The following ADPGK variants were observed in gnomAD, a reference collection of about 807,000 sequenced individuals.
The protein encoded by ADPGK is ADP-dependent glucokinase.
A neutral mutation model predicts 42.4 loss-of-function variants in ADPGK; 26 were observed. That is an observed-to-expected ratio of 0.61 (90% CI 0.45 to 0.85). ADPGK has a LOEUF of 0.85. ADPGK is among the 40% of genes least tolerant of loss of function. The probability of loss-of-function intolerance (pLI) is 0.00; values close to 1 mark genes in which losing one functional copy is unlikely to be tolerated. For synonymous variants in ADPGK, 267 were observed against 252.6 expected, an observed-to-expected ratio of 1.06 and a Z score of -0.54; for missense variants, 571 against 627.0, an observed-to-expected ratio of 0.91 and a Z score of 0.95.
chr15:72,772,012 G>A (rs934561759), intron 2 of ADPGK, among the ~76,000 whole-genome samples, 167 bp from the exon 3 acceptor site: 1 of 152,186 alleles, frequency 6.6e-6, no homozygotes, highest in Admixed American at 6.5e-5. Context: ...CACAGAAATA[G>A]AAAGTGAGTA....
chr15:72,773,879 A>AT (rs2066357381), intron 2 of ADPGK, among the ~76,000 whole-genome samples: 1 of 152,164 alleles, frequency 6.6e-6, no homozygotes, highest in Non-Finnish European at 1.5e-5. Flanking sequence ...TATTTTTAAA[A>AT]TTTTTTTGAG....
chr15:72,774,339 C>A (rs1362007872), intron 2 of ADPGK, among the ~76,000 whole-genome samples: 3 of 152,096 alleles, frequency 2.0e-5, no homozygotes, highest in Non-Finnish European at 2.9e-5. Context: ...CAAAACTCAG[C>A]CTCAAGAGGC....
chr15:72,762,024 A>C (rs1347546043), intron 3 of ADPGK, among the ~76,000 whole-genome samples: 1 of 152,144 alleles, frequency 6.6e-6, no homozygotes, highest in Non-Finnish European at 1.5e-5. Context: ...GGCGCGTGCC[A>C]CCAGGCCCAG....
intron 2 of ADPGK, among the ~76,000 whole-genome samples, chr15:72,772,484 C>T (rs905914116): frequency 6.6e-6 from 1 of 152,172 alleles, no homozygotes; most frequent in African/African-American, 2.4e-5. Flanking sequence ...GTAATGCCTT[C>T]TCTGTTCCCC....
chr15:72,782,600 G>C lies in ADPGK; in HGVS notation c.233+859C>G, dbSNP rs1484122099. Reference sequence around the variant, plus strand: ...GCTTTTTAAAGCAGGCACTATGCTAGAGAGATTACATGAATGATGTCATTT... The same window carrying C: ...GCTTTTTAAAGCAGGCACTATGCTACAGAGATTACATGAATGATGTCATTT... On this transcript the variant is annotated intron_variant, in intron 1 of 6. Coordinates refer to ENST00000456471, the MANE Select transcript of ADPGK (RefSeq NM_001365225.1). Among the ~76,000 whole-genome samples, 5 of 148,348 alleles carry C rather than the reference G, an allele frequency of 3.4e-5. No individual in the cohort carries two copies. The East Asian group carries it at 9.9e-4, about 29-fold the overall frequency.
chr15:72,756,032 CAAG>C (rs1567446380), intron 5 of ADPGK: 7 of 697,584 alleles, frequency 1.0e-5, no homozygotes, highest in African/African-American at 5.3e-5. Flanking sequence ...GAGGCTCAGG[CAAG>C]AAGATGTTCT....
chr15:72,763,607 C>T (rs1487873367), intron 3 of ADPGK, among the ~76,000 whole-genome samples: 1 of 152,116 alleles, frequency 6.6e-6, no homozygotes, highest in Non-Finnish European at 1.5e-5. Context: ...GAAGTACTAA[C>T]AAATTTAATG....
At chr15:72,771,609 A>C (rs1350825042) in intron 3 of ADPGK, among the ~76,000 whole-genome samples, 174 bp downstream of exon 3, 5 of 152,240 alleles carry the variant, frequency 3.3e-5, no homozygotes, top group African/African-American at 1.2e-4. Flanking sequence ...GTAAACACTC[A>C]AAGTATTAGT....
At chr15:72,767,383 C>CAA (rs35843053) in intron 3 of ADPGK, among the ~76,000 whole-genome samples, 176 of 137,932 alleles carry the variant, frequency 1.3e-3, no homozygotes, top group Middle Eastern at 3.7e-3. Context: ...ATCAAATAGA[C>CAA]AAAAAAAAAA....
rs2151069914 is a variant in ADPGK, at chr15:72,755,560, T to C, written c.935A>G (p.His312Arg). 3 of 1,612,802 alleles carry C rather than the reference T, an allele frequency of 1.9e-6. No homozygotes were observed. Among genetic ancestry groups the C allele is most frequent in the Non-Finnish European group, 2.5e-6 (3 of 1,178,970 alleles). ...ACGATGGTCCCATGAGGTTACCTGA[T>C]GGACAATGCTGCTCATGAGCTCCCT... ...TNRELMSSIV[H>R]QQVFPAVTSL... is the part of the protein sequence containing the mutation. The change falls in exon 6 of 7, where the codon CAT becomes CGT. Residue 312 changes from histidine to arginine, a missense_variant. Coordinates refer to ENST00000456471, the MANE Select transcript of ADPGK (RefSeq NM_001365225.1).
rs141599518 is a variant in ADPGK, at chr15:72,775,410, C to T, written c.234-313G>A. Among the ~76,000 whole-genome samples the T allele has an allele frequency of 7.1e-3, 1,074 of 152,260 alleles. 9 individuals are homozygous for T. The highest frequency in any genetic ancestry group is 0.025 in the African/African-American group (1,025 of 41,538). On this transcript the variant is annotated intron_variant, in intron 1 of 6. Transcript: ENST00000456471. Reference sequence around the variant, plus strand: ...AAAAATGTAACATTTCTGAGAAAAACGCTGGCAGAGCCAAACAGGATTCAT... The same window carrying T: ...AAAAATGTAACATTTCTGAGAAAAATGCTGGCAGAGCCAAACAGGATTCAT...
chr15:72,755,512 G>T (rs758447141), intron 6 of ADPGK, 44 bp downstream of exon 6: 6 of 1,467,660 alleles, frequency 4.1e-6, no homozygotes, highest in Admixed American at 3.7e-5. Context: ...TTCTCTGCAA[G>T]GCTCTATGAG....
Position 72,752,234 on chromosome 15 carries a change from G to C in ADPGK, c.*107C>G, listed in dbSNP as rs9460. 8.6e-7 allele frequency: 1 copy of C among 1,165,974 alleles called. No individual in the cohort carries two copies. Among genetic ancestry groups the C allele is most frequent in the Non-Finnish European group, 1.2e-6 (1 of 846,316 alleles). 72.2% of individuals were successfully genotyped at this position (1,165,974 alleles called of 1,614,324 possible). A position where few individuals can be genotyped will look rare whatever the true frequency, so the allele number is the denominator to read the frequency against. ...AACAGGCTGGAATGTACCTGATACA[G>C]TTTAATCTGCTTTTATTTCTTTGGC... On this transcript the variant is annotated 3_prime_UTR_variant, in exon 7 of 7. Transcript: ENST00000456471.
Position 72,760,418 on chromosome 15 carries a change from TCTAA to T in ADPGK, c.628_631del (p.Leu210SerfsTer11). On this transcript the variant is annotated frameshift_variant, in exon 4 of 7. Transcript: ENST00000456471. LOFTEE classifies it high-confidence loss of function. ...ACTCATTTCCTTACCTGCTTGATAC[TCTAA>T]AATGAGGTGGAACTCATCCACTTCC... is the stretch of plus-strand genomic sequence containing the variant. The T allele has an allele frequency of 6.2e-7, 1 of 1,603,206 alleles. No homozygotes were observed. The highest frequency in any genetic ancestry group is 1.1e-5 in the South Asian group (1 of 89,998).
In ADPGK at chr15:72,783,584, C is replaced by G. The variant is rs1352541057; in HGVS notation, c.108G>C (p.Trp36Cys). 4 of 1,515,976 alleles carry G rather than the reference C, an allele frequency of 2.6e-6. No homozygotes were observed. The highest frequency in any genetic ancestry group is 3.5e-6 in the Non-Finnish European group (4 of 1,140,152). 93.9% of individuals were successfully genotyped at this position (1,515,976 alleles called of 1,614,324 possible). Residue 36 changes from tryptophan (W) to cysteine (C), a missense_variant, in exon 1 of 7, where the codon TGG becomes TGC. By Grantham distance (215) the Trp-to-Cys change is radical. Around this residue, in one of 2 missense-constraint regions of ADPGK, gnomAD observed 137 missense variants for 104.2 expected, o/e 1.31. Transcript: ENST00000456471. ...ELPGSALRSL[W>C]SSLCLGPAPA... The stretch of plus-strand genomic sequence containing the variant: ...GCGCGGGCCCCAGACACAGCGAGCT[C>G]CAGAGAGAGCGCAGCGCCGAGCCTG...
At chr15:72,765,204 A>G (rs2066243863) in intron 3 of ADPGK, among the ~76,000 whole-genome samples, 1 of 152,080 alleles carries the variant, frequency 6.6e-6, no homozygotes, top group South Asian at 2.1e-4. Context: ...GAGTATAGTG[A>G]GTGGCACGAT....
intron 6 of ADPGK, among the ~76,000 whole-genome samples, chr15:72,753,694 A>G (rs2066076322): frequency 6.6e-6 from 1 of 152,236 alleles, no homozygotes; most frequent in African/African-American, 2.4e-5. Flanking sequence ...TGTGTCAGGC[A>G]CTGAGCTAAA....
Position 72,756,458 on chromosome 15 carries a change from C to T in ADPGK, c.644-11G>A. On this transcript the variant is annotated splice_polypyrimidine_tract_variant and intron_variant, in intron 4 of 6. Coordinates refer to ENST00000456471, the MANE Select transcript of ADPGK (RefSeq NM_001365225.1). ...GGCCCCACTCCTCCCCTGGAAAAAC[C>T]CAGTCAACACAATGGGAAGAAAAGG... The T allele has an allele frequency of 6.2e-7, 1 of 1,613,958 alleles. No homozygotes were observed. Among genetic ancestry groups the T allele is most frequent in the Non-Finnish European group, 8.5e-7 (1 of 1,179,922 alleles).
Position 72,755,633 on chromosome 15 carries a change from T to A in ADPGK, c.862A>T (p.Ile288Phe), listed in dbSNP as rs2066101978. ...AGGTGAACTGGAATACCAGTGGGGA[T>A]GTCAGAAATGGAGGTTACAACCTGC... ...LLEVVTSISD[I>F]PTGIPVHLEL... Residue 288 changes from isoleucine to phenylalanine, a missense_variant, in exon 6 of 7, where the codon ATC becomes TTC. By Grantham distance (21) the Ile-to-Phe change is conservative. Around this residue, in one of 2 missense-constraint regions of ADPGK, gnomAD observed 434 missense variants for 522.7 expected, o/e 0.83. Transcript: ENST00000456471. 6.2e-7 allele frequency: 1 copy of A among 1,613,922 alleles called. No individual in the cohort carries two copies. The highest frequency in any genetic ancestry group is 1.3e-5 in the African/African-American group (1 of 75,048).
Sources: gnomAD v4.1 joint callset for allele counts (sites outside exome capture counted in the v4.1 genomes callset) on GRCh38, gnomAD v4.1.1 for gene constraint, gnomAD v4.1.1 regional missense constraint, MANE v1.5 for transcripts, NCBI Gene and HGNC (gene_info 2026-07-23, HGNC 2026-07-21) for gene names.